Variants in AGMO observed in about 807,000 individuals in gnomAD.
AGMO encodes glyceryl-ether monooxygenase.
A neutral mutation model predicts 60.2 loss-of-function variants in AGMO; 75 were observed. That is an observed-to-expected ratio of 1.25 (90% confidence interval 1.03 to 1.51). The LOEUF (loss-of-function observed/expected upper bound fraction) is 1.51, where lower values mean the gene tolerates loss of function less well. Ranked by LOEUF, AGMO falls within the 40% of genes most tolerant of loss-of-function variation. The pLI, the probability that AGMO is intolerant of heterozygous loss-of-function variation, is 0.00. For synonymous variants in AGMO, 261 were observed against 177.1 expected (o/e 1.47, Z -3.76); for missense variants, 763 against 525.5 (o/e 1.45, Z -4.42).
intron 3 of AGMO, among the ~76,000 whole-genome samples, chr7:15,494,627 G>GA (rs959756425): frequency 3.9e-5 from 6 of 151,924 alleles, no homozygotes; most frequent in Admixed American, 6.6e-5. Context: ...TTTAAGTAGA[G>GA]AAAAAAAAGT....
the AGMO span, among the ~76,000 whole-genome samples, chr7:15,135,704 G>T: frequency 6.6e-6 from 1 of 151,418 alleles, no homozygotes; most frequent in Non-Finnish European, 1.5e-5. Flanking sequence ...AATTTCTTCT[G>T]GTATTCATCT....
intron 12 of AGMO, among the ~76,000 whole-genome samples, chr7:15,315,384 CTGGAG>C (rs200161208): frequency 0.011 from 1,206 of 114,106 alleles, 28 homozygotes; most frequent in African/African-American, 0.037. Flanking sequence ...TGTTGCCAGG[CTGGAG>C]TGTAGTGGCG....
chr7:15,224,638 C>G (rs1170887676), intron 12 of AGMO, among the ~76,000 whole-genome samples: 1 of 151,968 alleles, frequency 6.6e-6, no homozygotes, highest in African/African-American at 2.4e-5. Context: ...CACTGAATGT[C>G]TTATACCCCT....
chr7:15,471,516 G>A (rs1782449692), intron 3 of AGMO, among the ~76,000 whole-genome samples: 1 of 151,846 alleles, frequency 6.6e-6, no homozygotes, highest in Admixed American at 6.6e-5. Context: ...ACACTTGGCA[G>A]GGCATAGAGG....
intron 12 of AGMO, among the ~76,000 whole-genome samples, chr7:15,359,163 C>G (rs139408223): frequency 6.6e-6 from 1 of 151,738 alleles, no homozygotes; most frequent in African/African-American, 2.4e-5. Context: ...GTGGCAGGAA[C>G]CTGTAGTCCC....
At chr7:15,329,351 G>C (rs1303543017) in intron 12 of AGMO, among the ~76,000 whole-genome samples, 1 of 152,118 alleles carries the variant, frequency 6.6e-6, no homozygotes, top group African/African-American at 2.4e-5. Flanking sequence ...CAGAAATCCA[G>C]GCACATAGGT....
At chr7:15,520,548 T>G (rs931619084) in intron 3 of AGMO, among the ~76,000 whole-genome samples, 2 of 152,162 alleles carry the variant, frequency 1.3e-5, no homozygotes, top group Admixed American at 6.5e-5. Context: ...AGAAACTCAC[T>G]CAAAACTGCA....
chr7:15,458,451 G>C (rs1782052638), intron 3 of AGMO, among the ~76,000 whole-genome samples: 1 of 152,182 alleles, frequency 6.6e-6, no homozygotes, highest in South Asian at 2.1e-4. Context: ...GAATGGCCTA[G>C]CCTGGGAATT....
chr7:15,220,379 CCTGG>C (rs1158232393), intron 12 of AGMO, among the ~76,000 whole-genome samples: 1 of 149,904 alleles, frequency 6.7e-6, no homozygotes, highest in East Asian at 1.9e-4. Flanking sequence ...GCCTATCATT[CCTGG>C]CTAATTTTTT....
At chr7:15,472,095 C>T (rs1380005446) in intron 3 of AGMO, among the ~76,000 whole-genome samples, 1 of 151,818 alleles carries the variant, frequency 6.6e-6, no homozygotes, top group African/African-American at 2.4e-5. Context: ...GTATTAAATT[C>T]TATCATCTCA....
intron 12 of AGMO, among the ~76,000 whole-genome samples, chr7:15,259,985 G>T (rs1435010248): frequency 2.3e-5 from 3 of 131,488 alleles, no homozygotes; most frequent in South Asian, 2.5e-4. Flanking sequence ...CCTCCTTACA[G>T]TATAAATCTC....
At chr7:15,377,046 G>C (rs894751645) in intron 10 of AGMO, among the ~76,000 whole-genome samples, 4 of 151,914 alleles carry the variant, frequency 2.6e-5, no homozygotes, top group Admixed American at 6.6e-5. Flanking sequence ...ACCACAGCAG[G>C]GTCCCCAATT....
intron 12 of AGMO, among the ~76,000 whole-genome samples, chr7:15,284,706 T>C (rs1034158325): frequency 6.6e-6 from 1 of 151,946 alleles, no homozygotes; most frequent in African/African-American, 2.4e-5. Flanking sequence ...GATAGAATCC[T>C]CCCTAACTAT....
At chr7:15,338,300 A>C (rs1781727156) in intron 12 of AGMO, among the ~76,000 whole-genome samples, 2 of 152,210 alleles carry the variant, frequency 1.3e-5, no homozygotes, top group Non-Finnish European at 2.9e-5. Flanking sequence ...GAAAAGGTGA[A>C]TTTTTACACA....
At chr7:15,394,506 T>C (rs1216475167) in intron 5 of AGMO, among the ~76,000 whole-genome samples, 1 of 152,200 alleles carries the variant, frequency 6.6e-6, no homozygotes, top group African/African-American at 2.4e-5. Flanking sequence ...TTCTCATCTT[T>C]AAAATGGAAA....
intron 12 of AGMO, among the ~76,000 whole-genome samples, chr7:15,255,204 G>T (rs2128507763): frequency 6.6e-6 from 1 of 152,166 alleles, no homozygotes; most frequent in Non-Finnish European, 1.5e-5. Flanking sequence ...ATTGGAGCCT[G>T]TCCGGGGAGG....
At chr7:15,544,635 C>T (rs1583670082) in intron 3 of AGMO, 137 bp downstream of exon 3, 1 of 748,646 alleles carries the variant, frequency 1.3e-6, no homozygotes, top group East Asian at 3.5e-5. Flanking sequence ...AGTAAACCTT[C>T]ATTATTAATT....
At chr7:15,422,369 T>C (rs780895154) in intron 4 of AGMO, among the ~76,000 whole-genome samples, 1 of 151,866 alleles carries the variant, frequency 6.6e-6, no homozygotes, top group African/African-American at 2.4e-5. Context: ...GAGTATTTGA[T>C]AGCACAAAGT....
chr7:15,377,548 G>A (rs187837930), intron 10 of AGMO, among the ~76,000 whole-genome samples: 1 of 152,124 alleles, frequency 6.6e-6, no homozygotes, highest in African/African-American at 2.4e-5. Flanking sequence ...GGCTCACATA[G>A]CTTAAAATGA....
Sources: gnomAD v4.1 joint callset for allele counts (sites outside exome capture counted in the v4.1 genomes callset) on GRCh38, gnomAD v4.1.1 for gene constraint, MANE v1.5 for transcripts, NCBI Gene and HGNC (gene_info 2026-07-23, HGNC 2026-07-21) for gene names.